LMBR1: variants seen among roughly 807,000 people sequenced by gnomAD.
LMBR1 encodes limb development membrane protein 1.
In LMBR1, 52 loss-of-function variants were observed where a neutral mutation model predicts 73.9. That is an observed-to-expected ratio of 0.70 (90% CI 0.56 to 0.89). The LOEUF is 0.89. Among genes scored for constraint, LMBR1 ranks in the 40% least tolerant of loss-of-function variants. LMBR1 has a pLI of 0.00. For synonymous variants in LMBR1, 215 were observed against 209.4 expected (o/e 1.03, Z -0.23); for missense variants, 539 against 579.8 (o/e 0.93, Z 0.72).
chr7:156,780,564 T>C (rs958267457), intron 5 of LMBR1, among the ~76,000 whole-genome samples: 1 of 152,236 alleles, frequency 6.6e-6, no homozygotes, highest in African/African-American at 2.4e-5. Context: ...ATTCACTGGT[T>C]CACTAGTAAG....
intron 1 of LMBR1, chr7:156,892,685 G>A (rs1279903806): frequency 8.7e-6 from 3 of 346,710 alleles, no homozygotes; most frequent in Non-Finnish European, 1.5e-5. Context: ...GGGCAGGGGA[G>A]GCAAGAGCGG....
intron 1 of LMBR1, among the ~76,000 whole-genome samples, chr7:156,889,555 C>T (rs1222159460): frequency 1.3e-5 from 2 of 152,060 alleles, no homozygotes; most frequent in South Asian, 2.1e-4. Flanking sequence ...TCACTGTCTG[C>T]GCTGGTTCTG....
chr7:156,866,568 A>G (rs1255216712), intron 1 of LMBR1, among the ~76,000 whole-genome samples: 1 of 150,998 alleles, frequency 6.6e-6, no homozygotes. Flanking sequence ...TAAGACATGT[A>G]GGACATACAG....
chr7:156,717,484 G>A (rs547800151), intron 15 of LMBR1, among the ~76,000 whole-genome samples: 117 of 152,174 alleles, frequency 7.7e-4, no homozygotes, highest in African/African-American at 2.7e-3. Flanking sequence ...GCTAAGGAAT[G>A]GCCAGAGAAG....
intron 5 of LMBR1, chr7:156,779,598 G>T (rs1826756509): frequency 4.5e-6 from 4 of 892,432 alleles, no homozygotes; most frequent in Non-Finnish European, 6.2e-6. Context: ...GAATTTTTGT[G>T]CTGGTCAATT....
At chr7:156,737,094 T>C (rs1440237477) in intron 9 of LMBR1, among the ~76,000 whole-genome samples, 1 of 151,896 alleles carries the variant, frequency 6.6e-6, no homozygotes, top group South Asian at 2.1e-4. Flanking sequence ...CTTGATTTAC[T>C]CCCTTGCTTC....
chr7:156,860,251 G>A (rs532213898), intron 1 of LMBR1, among the ~76,000 whole-genome samples: 7 of 152,284 alleles, frequency 4.6e-5, no homozygotes, highest in African/African-American at 1.2e-4. Context: ...CAATCATGGC[G>A]GAAGGCAAGG....
At position 156,670,860 on chromosome 7, in the gene LMBR1, A is replaced by G. The variant is rs1296660584; in HGVS notation, n.867-1573T>C. 6.6e-6 allele frequency among the ~76,000 whole-genome samples: 1 copy of G among 152,212 alleles called. No homozygotes were observed. The highest frequency in any genetic ancestry group is 1.9e-4 in the East Asian group (1 of 5,202). ...AAGGATGCCTTGCATGAGGAAGGAA[A>G]ATGGCCCCAGACGGGAAATCTGAGA... is the stretch of plus-strand genomic sequence containing the variant. On this transcript the variant is annotated intron_variant and non_coding_transcript_variant, in intron 4 of 4. Coordinates refer to the LMBR1 transcript ENST00000430825. The surrounding 1 kb of genome is among the most constrained non-coding windows in gnomAD (Gnocchi z 4.3).
chr7:156,738,160 C>T (rs929956175), intron 9 of LMBR1, among the ~76,000 whole-genome samples: 3 of 152,164 alleles, frequency 2.0e-5, no homozygotes, highest in African/African-American at 7.2e-5. Context: ...GAGAGAGAAT[C>T]TGTGTACTTG....
At chr7:156,697,162 T>A (rs1808461305) in intron 15 of LMBR1, among the ~76,000 whole-genome samples, 2 of 152,098 alleles carry the variant, frequency 1.3e-5, no homozygotes, top group African/African-American at 4.8e-5. Context: ...CAAGTTTTTA[T>A]TAAGGGTTTC....
At chr7:156,824,379 A>G (rs1249789468) in intron 4 of LMBR1, among the ~76,000 whole-genome samples, 1 of 152,204 alleles carries the variant, frequency 6.6e-6, no homozygotes, top group Non-Finnish European at 1.5e-5. Context: ...GAGACAGGAA[A>G]TAAGACAAAT....
intron 15 of LMBR1, 24 bp downstream of exon 15, chr7:156,724,088 T>G: frequency 6.3e-7 from 1 of 1,584,900 alleles, no homozygotes; most frequent in Non-Finnish European, 8.6e-7. Flanking sequence ...GATCTTTAAG[T>G]GAAAATTTCT....
chr7:156,716,115 G>A (rs1490920720), intron 15 of LMBR1, among the ~76,000 whole-genome samples: 6 of 152,142 alleles, frequency 3.9e-5, no homozygotes, highest in Non-Finnish European at 8.8e-5. Context: ...TGTCCTTTAA[G>A]GAACATAAAG....
intron 15 of LMBR1, among the ~76,000 whole-genome samples, chr7:156,710,769 C>T (rs892611631): frequency 6.6e-6 from 1 of 152,110 alleles, no homozygotes; most frequent in African/African-American, 2.4e-5. Context: ...AGGTATGAAA[C>T]AAAAGCATCA....
chr7:156,775,334 A>T (rs78677668), intron 5 of LMBR1, among the ~76,000 whole-genome samples: 1,999 of 152,162 alleles, frequency 0.013, 49 homozygotes, highest in African/African-American at 0.046. Context: ...AGCCACTGCA[A>T]TCCAGCCTGG....
chr7:156,848,402 G>A (rs1274803862), intron 1 of LMBR1, among the ~76,000 whole-genome samples: 1 of 152,084 alleles, frequency 6.6e-6, no homozygotes, highest in African/African-American at 2.4e-5. Context: ...TTCAAAAGAA[G>A]ACATACATGC....
At chr7:156,722,674 C>T (rs1814831662) in intron 15 of LMBR1, among the ~76,000 whole-genome samples, 1 of 152,134 alleles carries the variant, frequency 6.6e-6, no homozygotes, top group Non-Finnish European at 1.5e-5. Context: ...CAGCTGGGTC[C>T]AGGCATTTGT....
intron 3 of LMBR1, chr7:156,833,521 T>C (rs1837046443): frequency 4.1e-6 from 2 of 485,270 alleles, no homozygotes; most frequent in Admixed American, 4.4e-5. Context: ...CATTTCCTCA[T>C]TTAATCCCCT....
intron 9 of LMBR1, among the ~76,000 whole-genome samples, chr7:156,742,652 G>A (rs544536917): frequency 1.3e-5 from 2 of 152,082 alleles, no homozygotes; most frequent in Non-Finnish European, 2.9e-5. Context: ...CTCAGGACCT[G>A]GTGGCTTCAC....
Sources: gnomAD v4.1 joint callset for allele counts (sites outside exome capture counted in the v4.1 genomes callset) on GRCh38, gnomAD v4.1.1 for gene constraint, Gnocchi (gnomAD v3.1) non-coding constraint, MANE v1.5 for transcripts, NCBI Gene and HGNC (gene_info 2026-07-23, HGNC 2026-07-21) for gene names.